Variants in COL4A6 observed in about 807,000 individuals in gnomAD.
COL4A6 encodes collagen type IV alpha 6 chain.
COL4A6 carries 59 observed loss-of-function variants against 126.7 expected under a neutral mutation model. The observed-to-expected ratio is 0.47, with a 90% CI of 0.38 to 0.58. The LOEUF is 0.58. Among genes scored for constraint, COL4A6 ranks in the 20% least tolerant of loss-of-function variants. COL4A6 has a pLI of 0.00. For synonymous variants in COL4A6, 547 were observed against 496.6 expected, an observed-to-expected ratio of 1.10 and a Z score of -1.35; for missense variants, 1,285 against 1,337.3, an observed-to-expected ratio of 0.96 and a Z score of 0.61.
At chrX:108,320,729 T>G (rs1200779502) in intron 2 of COL4A6, among the ~76,000 whole-genome samples, 1 of 112,086 alleles carries the variant, frequency 8.9e-6, no homozygotes, top group Non-Finnish European at 1.9e-5. Context: ...GCACAGTAAA[T>G]GGTTGTTGAA....
intron 2 of COL4A6, among the ~76,000 whole-genome samples, chrX:108,397,923 A>C (rs1043429475): frequency 6.2e-5 from 7 of 112,376 alleles, no homozygotes; most frequent in Non-Finnish European, 9.4e-5. Context: ...ATTGTGGTTC[A>C]AAATGGCCAA....
intron 3 of COL4A6, among the ~76,000 whole-genome samples, chrX:108,289,677 T>TA (rs2038110495): frequency 8.9e-6 from 1 of 111,826 alleles, no homozygotes; most frequent in African/African-American, 3.3e-5. Context: ...GGCATTCCCT[T>TA]AAGTTGTCCT....
chrX:108,438,444 AAAG>A, upstream of COL4A6: 1 of 1,001,961 alleles, frequency 1.0e-6, no homozygotes. Context: ...GCAGGAGAGG[AAAG>A]AATGGAGGGG....
intron 3 of COL4A6, among the ~76,000 whole-genome samples, chrX:108,285,488 C>T (rs758152855): frequency 3.6e-5 from 4 of 111,380 alleles, no homozygotes; most frequent in South Asian, 3.9e-4. Flanking sequence ...AATGTCTGAG[C>T]GGAGGGTTGT....
At chrX:108,367,066 T>C (rs766902521) in intron 2 of COL4A6, among the ~76,000 whole-genome samples, 29 of 112,339 alleles carry the variant, frequency 2.6e-4, no homozygotes, top group African/African-American at 9.0e-4. Context: ...GTTAGAAATC[T>C]AGCAGGTTCT....
chrX:108,192,541 A>G lies in COL4A6; in HGVS notation c.1112T>C (p.Leu371Pro). Residue 371 changes from leucine (L) to proline (P), a missense_variant, in exon 18 of 45, where the codon CTT becomes CCT. Transcript: ENST00000334504. Reference sequence around the variant, plus strand: ...GCCTTGGATGCCTTCATCTCCTTTAAGGCCTGGGAGGCCAGGTACACCAGG... The same window carrying G: ...GCCTTGGATGCCTTCATCTCCTTTAGGGCCTGGGAGGCCAGGTACACCAGG... ...GDPGVPGLPG[L>P]KGDEGIQGLR... is the part of the protein sequence containing the mutation. 1.7e-6 allele frequency: 2 copies of G among 1,205,472 alleles called. No individual in the cohort carries two copies. The highest frequency in any genetic ancestry group is 2.2e-6 in the Non-Finnish European group (2 of 891,410).
intron 2 of COL4A6, among the ~76,000 whole-genome samples, chrX:108,411,739 T>C (rs550172915): frequency 8.9e-6 from 1 of 112,094 alleles, no homozygotes; most frequent in African/African-American, 3.2e-5. Flanking sequence ...TGCTTAGAAC[T>C]GTAATTATCT....
chrX:108,259,167 C>G (rs1266759), intron 3 of COL4A6, among the ~76,000 whole-genome samples: 10 of 110,201 alleles, frequency 9.1e-5, no homozygotes, highest in Non-Finnish European at 1.9e-4. Flanking sequence ...TTCCAGCAGA[C>G]CCTGATAAGC....
Position 108,171,260 on chromosome X carries a change from T to G in COL4A6, c.3277+127A>C, listed in dbSNP as rs145788620. On this transcript the variant is annotated intron_variant, in intron 33 of 44. Transcript: ENST00000334504. Reference sequence around the variant, plus strand: ...GAGTAGGCTGATTTGCTTGGGGAATTGATAGATAGGAAATTTTCTGCACTG... The same window carrying G: ...GAGTAGGCTGATTTGCTTGGGGAATGGATAGATAGGAAATTTTCTGCACTG... The G allele has an allele frequency of 3.9e-3, 2,101 of 542,270 alleles. 39 individuals carry two copies. The African/African-American group carries it at 0.04, about 10-fold the overall frequency. 44.7% of individuals were successfully genotyped at this position (542,270 alleles called of 1,213,427 possible).
At chrX:108,425,575 A>G in intron 2 of COL4A6, among the ~76,000 whole-genome samples, 1 of 109,818 alleles carries the variant, frequency 9.1e-6, no homozygotes, top group Non-Finnish European at 1.9e-5. Flanking sequence ...TCTACTAAAA[A>G]TACAAAAAAT....
intron 37 of COL4A6, among the ~76,000 whole-genome samples, chrX:108,168,090 T>C (rs1436428393): frequency 8.9e-6 from 1 of 112,725 alleles, no homozygotes; most frequent in African/African-American, 3.2e-5. Flanking sequence ...TTTTGTTTAG[T>C]GCTATGTTGC....
intron 2 of COL4A6, among the ~76,000 whole-genome samples, chrX:108,364,997 G>A (rs1010200345): frequency 1.8e-5 from 2 of 110,702 alleles, no homozygotes; most frequent in African/African-American, 6.6e-5. Context: ...CACACCTAAT[G>A]ACTCAACATT....
At chrX:108,242,701 C>T (rs904479911) in intron 3 of COL4A6, among the ~76,000 whole-genome samples, 16 of 111,316 alleles carry the variant, frequency 1.4e-4, no homozygotes, top group Non-Finnish European at 1.1e-4. Context: ...CAGAAGAGAA[C>T]CTAAAAGTGG....
intron 2 of COL4A6, among the ~76,000 whole-genome samples, chrX:108,357,197 G>C (rs937792749): frequency 9.0e-6 from 1 of 111,220 alleles, no homozygotes; most frequent in African/African-American, 3.3e-5. Flanking sequence ...AAATACACAG[G>C]ACTGAGACAA....
intron 3 of COL4A6, among the ~76,000 whole-genome samples, chrX:108,238,564 C>A (rs1421780418): frequency 9.2e-6 from 1 of 108,721 alleles, no homozygotes; most frequent in Admixed American, 1.0e-4. Flanking sequence ...TATGCATTTA[C>A]CACATTTTAC....
At chrX:108,192,913 C>T (rs1449117969) in intron 17 of COL4A6, among the ~76,000 whole-genome samples, 1 of 112,467 alleles carries the variant, frequency 8.9e-6, no homozygotes, top group Non-Finnish European at 1.9e-5. Context: ...CCACTATTTA[C>T]GTTATACATA....
chrX:108,416,741 G>A (rs1292548106), intron 2 of COL4A6, among the ~76,000 whole-genome samples: 1 of 111,942 alleles, frequency 8.9e-6, no homozygotes, highest in African/African-American at 3.2e-5. Flanking sequence ...ATCCATTTAA[G>A]TACAAAATCT....
chrX:108,278,138 C>T (rs899680564), intron 3 of COL4A6, among the ~76,000 whole-genome samples: 43 of 112,316 alleles, frequency 3.8e-4, no homozygotes, highest in Admixed American at 2.8e-4. Context: ...CAAAGCTGGA[C>T]GGAGAATGCC....
chrX:108,413,982 C>T (rs2041382321), intron 2 of COL4A6, among the ~76,000 whole-genome samples: 2 of 111,959 alleles, frequency 1.8e-5, no homozygotes, highest in African/African-American at 6.5e-5. Context: ...AGTCTATGGC[C>T]ACTGCACAGA....
Sources: gnomAD v4.1 joint callset for allele counts (sites outside exome capture counted in the v4.1 genomes callset) on GRCh38, gnomAD v4.1.1 for gene constraint, MANE v1.5 for transcripts, NCBI Gene and HGNC (gene_info 2026-07-23, HGNC 2026-07-21) for gene names.